Variants in POLD3 observed in about 807,000 individuals in gnomAD.
The protein encoded by POLD3 is DNA polymerase delta 3, accessory subunit.
Under a neutral mutation model 58.2 loss-of-function variants are expected in POLD3, and 19 were observed. That is an observed-to-expected ratio of 0.33 (90% CI 0.23 to 0.48). The LOEUF (loss-of-function observed/expected upper bound fraction) is 0.48. Ranked by LOEUF, POLD3 falls within the 20% of genes least tolerant of loss-of-function variation. POLD3 has a pLI of 0.99. For synonymous variants in POLD3, 172 were observed against 193.5 expected, an observed-to-expected ratio of 0.89 and a Z score of 0.92; for missense variants, 504 against 545.5, an observed-to-expected ratio of 0.92 and a Z score of 0.76.
At chr11:74,610,246 C>T (rs1459958776) in intron 3 of POLD3, among the ~76,000 whole-genome samples, 2 of 149,386 alleles carry the variant, frequency 1.3e-5, no homozygotes, top group African/African-American at 2.5e-5. Flanking sequence ...AAGTCTTACT[C>T]TGTCACCAGG....
chr11:74,644,565 G>A (rs571293038), downstream of POLD3, among the ~76,000 whole-genome samples: 39 of 152,234 alleles, frequency 2.6e-4, 1 homozygote, highest in South Asian at 7.3e-3. Flanking sequence ...AGTTTTTTGT[G>A]TTCTTAGGTG....
rs1190108039 is a variant in POLD3, at chr11:74,640,642, G to C, written c.1277G>C (p.Arg426Thr). The stretch of plus-strand genomic sequence containing the variant: ...AACATGAAGACATCCTCAGTACACA[G>C]ACCCCCTGCCATGACTGTGAAAAAA... ...ELNMKTSSVHRPPAMTVKKEP... is the reference protein window; with the variant it reads ...ELNMKTSSVHTPPAMTVKKEP... The change falls in exon 12 of 12, where the codon AGA becomes ACA. Residue 426 changes from arginine to threonine, a missense_variant. Around this residue, in one of 2 missense-constraint regions of POLD3, gnomAD observed 385 missense variants for 370.5 expected, o/e 1.04. Transcript: ENST00000263681. 6.2e-7 allele frequency: 1 copy of C among 1,611,640 alleles called. No homozygotes were observed. Among genetic ancestry groups the C allele is most frequent in the Admixed American group, 1.7e-5 (1 of 59,652 alleles).
At chr11:74,600,866 C>T (rs543902471) in intron 2 of POLD3, among the ~76,000 whole-genome samples, 2 of 151,778 alleles carry the variant, frequency 1.3e-5, no homozygotes, top group South Asian at 2.1e-4. Flanking sequence ...TACGGGCATG[C>T]GCCACCATGT....
intron 4 of POLD3, among the ~76,000 whole-genome samples, chr11:74,664,985 A>G (rs2033248807): frequency 6.6e-6 from 1 of 152,050 alleles, no homozygotes; most frequent in South Asian, 2.1e-4. Flanking sequence ...CTGTAATCCC[A>G]GCTATTTGGG....
intron 8 of POLD3, among the ~76,000 whole-genome samples, chr11:74,628,534 A>T (rs1180522727): frequency 6.6e-6 from 1 of 152,174 alleles, no homozygotes; most frequent in East Asian, 1.9e-4. Flanking sequence ...TGTTGGTTGC[A>T]TGAGGAGTGT....
chr11:74,647,305 A>C (rs2033011294), downstream of POLD3, among the ~76,000 whole-genome samples: 1 of 152,254 alleles, frequency 6.6e-6, no homozygotes, highest in Admixed American at 6.5e-5. Flanking sequence ...ATTTTCCTGC[A>C]AACCATAAAA....
chr11:74,630,373 TGAAC>T (rs1417102755), intron 9 of POLD3, among the ~76,000 whole-genome samples: 1 of 151,846 alleles, frequency 6.6e-6, no homozygotes, highest in Non-Finnish European at 1.5e-5. Context: ...GCAAAAGAAA[TGAAC>T]AGACCCAAGA....
At chr11:74,621,152 A>G (rs1176982807) in intron 7 of POLD3, among the ~76,000 whole-genome samples, 9 of 152,166 alleles carry the variant, frequency 5.9e-5, no homozygotes, top group African/African-American at 2.2e-4. Flanking sequence ...TCTCCAACCC[A>G]CAGTCCACTG....
intron 5 of POLD3, among the ~76,000 whole-genome samples, chr11:74,615,491 G>C (rs890251841): frequency 6.6e-6 from 1 of 152,200 alleles, no homozygotes; most frequent in African/African-American, 2.4e-5. Context: ...ATTTTCAGTG[G>C]AGTGACCAGA....
chr11:74,609,959 T>C (rs889686632), intron 3 of POLD3, among the ~76,000 whole-genome samples: 1 of 152,180 alleles, frequency 6.6e-6, no homozygotes, highest in African/African-American at 2.4e-5. Flanking sequence ...CTGTAGTGAA[T>C]AGCTTAGTGT....
chr11:74,648,642 A>C (rs2033031218), intron 4 of POLD3, among the ~76,000 whole-genome samples: 2 of 152,206 alleles, frequency 1.3e-5, no homozygotes. Context: ...GAGAGTTGTA[A>C]GTGGTTTAGT....
At chr11:74,596,339 A>G (rs1338240000) in intron 2 of POLD3, among the ~76,000 whole-genome samples, 1 of 149,562 alleles carries the variant, frequency 6.7e-6, no homozygotes, top group Non-Finnish European at 1.5e-5. Flanking sequence ...ATGTGCCACC[A>G]TACCCGGCTA....
intron 4 of POLD3, among the ~76,000 whole-genome samples, chr11:74,654,095 G>A (rs979543157): frequency 6.6e-6 from 1 of 152,088 alleles, no homozygotes; most frequent in Non-Finnish European, 1.5e-5. Context: ...GATCCCCCCA[G>A]ATGACTCAAA....
chr11:74,640,626 A>T lies in POLD3; in HGVS notation c.1261A>T (p.Thr421Ser). The change falls in exon 12 of 12, where the codon ACA becomes TCA. Residue 421 changes from threonine to serine, a missense_variant. Around this residue, in one of 2 missense-constraint regions of POLD3, gnomAD observed 385 missense variants for 370.5 expected, o/e 1.04. Coordinates refer to ENST00000263681, the MANE Select transcript of POLD3 (RefSeq NM_006591.3). ...TAGTGAAGAGGAGCTTAACATGAAG[A>T]CATCCTCAGTACACAGACCCCCTGC... ...TDSEEELNMK[T>S]SSVHRPPAMT... 1 of 1,607,932 alleles carries T rather than the reference A, an allele frequency of 6.2e-7. No individual in the cohort carries two copies. Among genetic ancestry groups the T allele is most frequent in the Non-Finnish European group, 8.5e-7 (1 of 1,177,466 alleles).
Position 74,604,790 on chromosome 11 carries a change from A to G in POLD3, c.215A>G (p.His72Arg), listed in dbSNP as rs144805618. The G allele has an allele frequency of 2.1e-5, 33 of 1,548,180 alleles. No individual in the cohort carries two copies. Among genetic ancestry groups the G allele is most frequent in the Non-Finnish European group, 2.9e-5 (32 of 1,119,772 alleles). Residue 72 changes from histidine to arginine, a missense_variant, in exon 3 of 12, where the codon CAT becomes CGT. Physicochemically the swap from His to Arg is conservative, Grantham distance 29. This residue lies in a region of POLD3 where 119 missense variants were observed against 175.0 expected (regional missense o/e 0.68). Coordinates refer to ENST00000263681, the MANE Select transcript of POLD3 (RefSeq NM_006591.3). ...TCTGGCAGTCTCATTCAGAATGGAC[A>G]TTCCGTAAGTTCTCAGAGCCTTGTA... ...LVSGSLIQNG[H>R]SCHKVAVVRE... is the part of the protein sequence containing the mutation.
chr11:74,614,983 A>G (rs937309062), intron 5 of POLD3, among the ~76,000 whole-genome samples: 1 of 152,250 alleles, frequency 6.6e-6, no homozygotes, highest in Non-Finnish European at 1.5e-5. Context: ...TCTAGAGCTA[A>G]GGAGAGAAAT....
chr11:74,625,871 T>TTG (rs56365420), intron 8 of POLD3, among the ~76,000 whole-genome samples: 24,963 of 143,454 alleles, frequency 0.17, 2,133 homozygotes, highest in East Asian at 0.29. Flanking sequence ...GTGTGCCTAG[T>TTG]TGTGTGTGTG....
At chr11:74,649,218 A>G (rs375483204) in intron 4 of POLD3, among the ~76,000 whole-genome samples, 13 of 152,208 alleles carry the variant, frequency 8.5e-5, no homozygotes, top group African/African-American at 3.1e-4. Flanking sequence ...AACTAAATTC[A>G]TCCCAAATCT....
intron 2 of POLD3, among the ~76,000 whole-genome samples, chr11:74,596,240 A>G (rs1208341927): frequency 5.3e-5 from 8 of 150,712 alleles, no homozygotes; most frequent in African/African-American, 1.2e-4. Flanking sequence ...CTGGAGTCCA[A>G]CGGCGTGATC....
Sources: gnomAD v4.1 joint callset for allele counts (sites outside exome capture counted in the v4.1 genomes callset) on GRCh38, gnomAD v4.1.1 for gene constraint, gnomAD v4.1.1 regional missense constraint, MANE v1.5 for transcripts, NCBI Gene and HGNC (gene_info 2026-07-23, HGNC 2026-07-21) for gene names.